Variants in ODAD4 observed in about 807,000 individuals in gnomAD.
The protein encoded by ODAD4 is outer dynein arm docking complex subunit 4, also known as outer dynein arm-docking complex subunit 4.
A neutral mutation model predicts 51.8 loss-of-function variants in ODAD4; 49 were observed. The observed-to-expected ratio is 0.95, with a 90% CI of 0.75 to 1.20. The LOEUF is 1.20. Ranked by LOEUF, ODAD4 falls within the 50% of genes most tolerant of loss-of-function variation. ODAD4 has a pLI of 0.00. For synonymous variants in ODAD4, 235 were observed against 221.3 expected (o/e 1.06, Z -0.55); for missense variants, 590 against 586.5 (o/e 1.01, Z -0.06).
intron 11 of ODAD4, among the ~76,000 whole-genome samples, chr17:41,963,172 G>GT (rs1415603994): frequency 6.6e-6 from 1 of 152,164 alleles, no homozygotes; most frequent in Non-Finnish European, 1.5e-5. Context: ...CATTGCATCT[G>GT]TTTTCACCAC....
rs1555637892 is a variant in ODAD4, at chr17:41,936,807, C to T, written c.505C>T (p.His169Tyr). Residue 169 changes from histidine to tyrosine, a missense_variant, in exon 5 of 12, where the codon CAC becomes TAC. By Grantham distance (83) the His-to-Tyr change is moderately conservative. Transcript: ENST00000377540. Reference protein sequence around the residue: ...QKPQPMKHLLHPTKGEPKWKA... With the variant: ...QKPQPMKHLLYPTKGEPKWKA... Reference sequence around the variant, plus strand: ...GCCTCAGCCCATGAAACACCTCTTACACCCCACCAAGGGAGAGCCCAAGTG... The same window carrying T: ...GCCTCAGCCCATGAAACACCTCTTATACCCCACCAAGGGAGAGCCCAAGTG... The T allele has an allele frequency of 6.2e-6, 10 of 1,613,998 alleles. No homozygotes were observed. The highest frequency in any genetic ancestry group is 2.2e-5 in the East Asian group (1 of 44,870).
At chr17:41,950,389 T>TC (rs2050637028) in intron 9 of ODAD4, among the ~76,000 whole-genome samples, 1 of 150,594 alleles carries the variant, frequency 6.6e-6, no homozygotes, top group Non-Finnish European at 1.5e-5. Flanking sequence ...GGGAAGCTTT[T>TC]TTTTTTTTTT....
chr17:41,937,723 C>T (rs954164745), intron 5 of ODAD4, among the ~76,000 whole-genome samples: 2 of 152,080 alleles, frequency 1.3e-5, no homozygotes, highest in African/African-American at 4.8e-5. Context: ...CTGCCCACCT[C>T]GGCCTCCCAA....
At chr17:41,935,818 T>G in intron 3 of ODAD4, 69 bp downstream of exon 3, 3 of 1,579,094 alleles carry the variant, frequency 1.9e-6, no homozygotes, top group Non-Finnish European at 2.6e-6. Flanking sequence ...AGAGGAAGGT[T>G]GAGTCACAGC....
rs1567942749 is a variant in ODAD4 at position 41,965,222 on chromosome 17, A to T, written c.1758A>T (p.Ser586=). The T allele has an allele frequency of 1.3e-6, 1 of 775,534 alleles. No individual in the cohort carries two copies. 48.0% of individuals were successfully genotyped at this position (775,534 alleles called of 1,614,324 possible). A position where few individuals can be genotyped will look rare whatever the true frequency, so the allele number is the denominator to read the frequency against. Residue 586 remains serine, a synonymous_variant, in exon 12 of 12, where the codon TCA becomes TCT. Transcript: ENST00000377540. ...TGGGAGCAGTTGCCAAGGGCCTGTCAGGAGAATTAGGCACAAGATCAGGAG... is the reference window on the plus strand; with the variant it reads ...TGGGAGCAGTTGCCAAGGGCCTGTCTGGAGAATTAGGCACAAGATCAGGAG... ...SDLGAVAKGL[S]GELGTRSGET... is the part of the protein sequence containing the mutation.
rs1555639324 is a variant in ODAD4, at chr17:41,945,173, A to G, written c.1096A>G (p.Ile366Val). The G allele has an allele frequency of 1.9e-6, 3 of 1,613,466 alleles. No individual in the cohort carries two copies. The highest frequency in any genetic ancestry group is 8.5e-7 in the Non-Finnish European group (1 of 1,179,762). ...PDAKSRALDN[I>V]GRVFARVGKF... Reference sequence around the variant, plus strand: ...TGCAAAATCGAGAGCCCTTGACAACATTGGCAGAGTTTTTGCCAGAGTTGG... The same window carrying G: ...TGCAAAATCGAGAGCCCTTGACAACGTTGGCAGAGTTTTTGCCAGAGTTGG... The change falls in exon 8 of 12, where the codon ATT (isoleucine) becomes GTT (valine). Residue 366 changes from isoleucine to valine, a missense_variant. Transcript: ENST00000377540.
chr17:41,954,939 G>A (rs560624830), intron 9 of ODAD4: 1 of 478,936 alleles, frequency 2.1e-6, no homozygotes, highest in South Asian at 1.9e-5. Flanking sequence ...GACATATGAT[G>A]TATGCACTAG....
chr17:41,942,231 C>T (rs1045805604), intron 7 of ODAD4, among the ~76,000 whole-genome samples: 4 of 152,186 alleles, frequency 2.6e-5, no homozygotes, highest in South Asian at 2.1e-4. Flanking sequence ...CCACCATGCC[C>T]GGGCTATTAG....
Position 41,965,348 on chromosome 17 carries a change from C to T in ODAD4, c.1884C>T (p.Ser628=). 1 of 780,558 alleles carries T rather than the reference C, an allele frequency of 1.3e-6. No homozygotes were observed. The highest frequency in any genetic ancestry group is 2.4e-5 in the East Asian group (1 of 41,254). The allele number at this position is 780,558 out of a possible 1,614,324, so 48.4% of individuals were successfully genotyped here. Residue 628 remains serine, a synonymous_variant, in exon 12 of 12, where the codon AGC becomes AGT. Coordinates refer to ENST00000377540, the MANE Select transcript of ODAD4 (RefSeq NM_031421.5). The part of the protein sequence containing the change: ...ELEQRLSGEF[S]RQEPEELKKL... ...AGCAAAGACTCTCAGGAGAATTCAG[C>T]AGACAGGAACCAGAAGAACTAAAGA...
rs879964437 is a variant in ODAD4 at position 41,940,795 on chromosome 17, C to T, written c.1058+1623C>T. 4.6e-5 allele frequency among the ~76,000 whole-genome samples: 7 copies of T among 152,326 alleles called. No homozygotes were observed. The South Asian group carries it at 6.2e-4, about 14-fold the overall frequency. ...AAATGAGTTAGAAATCTTTACTTCT[C>T]GCCAGACCTCTCTCCTGAGCCTCAG... On this transcript the variant is annotated intron_variant, in intron 7 of 11. Coordinates refer to ENST00000377540, the MANE Select transcript of ODAD4 (RefSeq NM_031421.5).
At chr17:41,955,634 C>T (rs1185205293) in intron 10 of ODAD4, among the ~76,000 whole-genome samples, 1 of 152,036 alleles carries the variant, frequency 6.6e-6, no homozygotes, top group African/African-American at 2.4e-5. Context: ...CACTGTTAGC[C>T]AGGATGGTCT....
chr17:41,944,439 CACA>C (rs1288485990), intron 7 of ODAD4, among the ~76,000 whole-genome samples: 49 of 3,940 alleles, frequency 0.012, no homozygotes, highest in African/African-American at 0.017. Flanking sequence ...CACACACACA[CACA>C]CACCCCCCCG....
chr17:41,945,651 C>A (rs1555639410), intron 8 of ODAD4, among the ~76,000 whole-genome samples: 1 of 152,208 alleles, frequency 6.6e-6, no homozygotes, highest in African/African-American at 2.4e-5. Flanking sequence ...GTAATCCCAG[C>A]ACTTTGGGAG....
intron 11 of ODAD4, among the ~76,000 whole-genome samples, chr17:41,963,106 C>T (rs1275568561): frequency 6.6e-6 from 1 of 152,190 alleles, no homozygotes; most frequent in African/African-American, 2.4e-5. Context: ...CCCTGGCCTG[C>T]GTCCTTGTGC....
At chr17:41,955,122 T>C in intron 9 of ODAD4, 95 bp from the exon 10 acceptor site, 1 of 718,462 alleles carries the variant, frequency 1.4e-6, no homozygotes, top group Non-Finnish European at 2.6e-6. Flanking sequence ...AAGCTTCTGA[T>C]GGGCCCTGGC....
chr17:41,932,151 C>A (rs530901943), intron 1 of ODAD4, among the ~76,000 whole-genome samples: 1 of 152,134 alleles, frequency 6.6e-6, no homozygotes, highest in African/African-American at 2.4e-5. Context: ...CTCACCCCAA[C>A]CTCCACCTCC....
chr17:41,934,838 T>G (rs1353185300), intron 1 of ODAD4, among the ~76,000 whole-genome samples: 1 of 152,166 alleles, frequency 6.6e-6, no homozygotes, highest in East Asian at 1.9e-4. Context: ...GTAGTTGAGT[T>G]TGGTGTGCAC....
chr17:41,937,480 TTTCTTTTAAA>T (rs1189576458), intron 5 of ODAD4, among the ~76,000 whole-genome samples: 2 of 152,228 alleles, frequency 1.3e-5, no homozygotes, highest in African/African-American at 2.4e-5. Context: ...TCCAGTGCTC[TTTCTTTTAAA>T]GACAGAGTCT....
chr17:41,957,264 T>G (rs1170560671), intron 10 of ODAD4, among the ~76,000 whole-genome samples: 2 of 152,088 alleles, frequency 1.3e-5, no homozygotes, highest in Non-Finnish European at 2.9e-5. Context: ...AGAAGACAGT[T>G]TTTCCATGGA....
Sources: allele counts gnomAD v4.1 joint callset (sites outside exome capture counted in the v4.1 genomes callset), GRCh38; gene constraint gnomAD v4.1.1; transcripts MANE v1.5; gene names NCBI Gene and HGNC (gene_info 2026-07-23, HGNC 2026-07-21).